NECAB1: variants seen among roughly 807,000 people sequenced by gnomAD.
NECAB1 encodes the protein N-terminal EF-hand calcium binding protein 1.
In NECAB1, 29 loss-of-function variants were observed where a neutral mutation model predicts 57.5. That is an observed-to-expected ratio of 0.50 (90% confidence interval 0.38 to 0.69). The LOEUF (loss-of-function observed/expected upper bound fraction) is 0.69. Among genes scored for constraint, NECAB1 ranks in the 30% least tolerant of loss-of-function variants. The probability of loss-of-function intolerance (pLI) is 0.00; values close to 1 mark genes in which losing one functional copy is unlikely to be tolerated. For missense variants in NECAB1, 372 were observed against 413.8 expected, an observed-to-expected ratio of 0.90 and a Z score of 0.88; for synonymous variants, 142 against 147.7, an observed-to-expected ratio of 0.96 and a Z score of 0.28.
At chr8:90,816,696 T>C (rs956965848) in intron 2 of NECAB1, among the ~76,000 whole-genome samples, 1 of 151,826 alleles carries the variant, frequency 6.6e-6, no homozygotes, top group African/African-American at 2.4e-5. Flanking sequence ...ATGCATGTAT[T>C]GTTTTACAAT....
intron 5 of NECAB1, among the ~76,000 whole-genome samples, chr8:90,895,364 G>C (rs1809299043): frequency 6.6e-6 from 1 of 152,112 alleles, no homozygotes; most frequent in Non-Finnish European, 1.5e-5. Context: ...AAAGAAAACA[G>C]AAAAAGTAGT....
chr8:90,863,356 G>T (rs1808446358), intron 3 of NECAB1, among the ~76,000 whole-genome samples: 1 of 152,030 alleles, frequency 6.6e-6, no homozygotes, highest in African/African-American at 2.4e-5. Context: ...ATTTTTCATT[G>T]CATAAAAATA....
At chr8:90,862,143 T>C (rs1160445284) in intron 3 of NECAB1, among the ~76,000 whole-genome samples, 4 of 152,190 alleles carry the variant, frequency 2.6e-5, no homozygotes, top group African/African-American at 7.2e-5. Flanking sequence ...AGCAATACTC[T>C]ATATGGATAA....
intron 9 of NECAB1, 119 bp from the exon 10 acceptor site, chr8:90,940,667 T>A (rs926943237): frequency 4.2e-6 from 3 of 709,358 alleles, no homozygotes; most frequent in East Asian, 5.5e-5. Context: ...CCTTCCTTGG[T>A]CATATTTTTG....
At chr8:90,939,742 T>C (rs575278669) in intron 9 of NECAB1, among the ~76,000 whole-genome samples, 4 of 152,304 alleles carry the variant, frequency 2.6e-5, no homozygotes, top group South Asian at 2.1e-4. Flanking sequence ...CCAACAAAAG[T>C]AGGAATATTT....
chr8:90,853,577 T>G (rs905663386), intron 3 of NECAB1, among the ~76,000 whole-genome samples: 4 of 152,248 alleles, frequency 2.6e-5, no homozygotes, highest in African/African-American at 9.6e-5. Flanking sequence ...GTTTATTTAT[T>G]AGTGAGCTCC....
intron 5 of NECAB1, among the ~76,000 whole-genome samples, chr8:90,898,877 C>T (rs574396873): frequency 1.3e-5 from 2 of 152,304 alleles, no homozygotes; most frequent in East Asian, 1.9e-4. Context: ...AACTGAGATT[C>T]GTTCATGTGG....
In NECAB1 at chr8:90,934,218, A is replaced by G. The variant is rs567367548; in HGVS notation, c.694-86A>G. 5.8e-5 allele frequency: 54 copies of G among 931,242 alleles called. No homozygotes were observed. The Admixed American group carries it at 1.0e-3, about 18-fold the overall frequency. The allele number at this position is 931,242 out of a possible 1,614,324, so 57.7% of individuals were successfully genotyped here. Reference sequence around the variant, plus strand: ...AAGTTCTTTTGGTTCAATGTTAGCCATGAGAGAACTATGATTTGAATATAT... The same window carrying G: ...AAGTTCTTTTGGTTCAATGTTAGCCGTGAGAGAACTATGATTTGAATATAT... On this transcript the variant is annotated intron_variant, in intron 8 of 12. Transcript: ENST00000417640.
intron 2 of NECAB1, among the ~76,000 whole-genome samples, chr8:90,805,211 T>C (rs1563491907): frequency 6.6e-6 from 1 of 152,220 alleles, no homozygotes. Context: ...TTCTGTACCA[T>C]GTGTTCATGG....
intron 3 of NECAB1, among the ~76,000 whole-genome samples, chr8:90,860,688 G>T (rs1030601206): frequency 3.3e-5 from 5 of 152,138 alleles, no homozygotes; most frequent in African/African-American, 7.2e-5. Flanking sequence ...TGCAGAAAAG[G>T]CTAAGAATTA....
chr8:90,906,876 CATATATATATATATAT>C lies in NECAB1; in HGVS notation c.358-10597_358-10582del, dbSNP rs57808023. ...ACCTTTTCCTTACATATGATATACA[CATATATATATATATAT>C]ATATATATATATATATATCTTCTCA... On this transcript the variant is annotated intron_variant, in intron 5 of 12. Transcript: ENST00000417640. Among the ~76,000 whole-genome samples the C allele has an allele frequency of 4.1e-3, 505 of 121,762 alleles. 10 individuals carry two copies. Among genetic ancestry groups the C allele is most frequent in the Non-Finnish European group, 6.0e-3 (358 of 59,462 alleles). 79.9% of individuals were successfully genotyped at this position (121,762 alleles called of 152,430 possible).
At chr8:90,830,838 C>G (rs773460503) in intron 3 of NECAB1, among the ~76,000 whole-genome samples, 5 of 152,080 alleles carry the variant, frequency 3.3e-5, no homozygotes, top group Non-Finnish European at 7.4e-5. Context: ...GAATAACATA[C>G]TTTTGACAGA....
intron 5 of NECAB1, among the ~76,000 whole-genome samples, chr8:90,898,705 G>A (rs1809423158): frequency 6.6e-6 from 1 of 152,188 alleles, no homozygotes; most frequent in South Asian, 2.1e-4. Flanking sequence ...TATTTATTGA[G>A]CATAATACAT....
chr8:90,934,595 A>G (rs926100473), intron 9 of NECAB1, among the ~76,000 whole-genome samples: 6 of 152,192 alleles, frequency 3.9e-5, no homozygotes, highest in African/African-American at 1.4e-4. Flanking sequence ...TTATACATGT[A>G]TAAATCAATG....
intron 4 of NECAB1, among the ~76,000 whole-genome samples, chr8:90,875,728 G>A (rs1197006957): frequency 5.4e-5 from 8 of 148,102 alleles, no homozygotes; most frequent in African/African-American, 1.7e-4. Context: ...CTGAGGGTAC[G>A]GGGGCCGGGC....
At position 90,795,281 on chromosome 8, in the gene NECAB1, C is replaced by G. The variant is rs185904331; in HGVS notation, c.99+3296C>G. 4.0e-3 allele frequency among the ~76,000 whole-genome samples: 616 copies of G among 152,278 alleles called. 2 individuals are homozygous for G. Among genetic ancestry groups the G allele is most frequent in the Admixed American group, 7.0e-3 (107 of 15,308 alleles). On this transcript the variant is annotated intron_variant, in intron 1 of 12. Transcript: ENST00000417640. ...CATCCCCAAAAGCAAGAGAAATTCC[C>G]AAACGAAATTAGTAGCAACTTCATC...
intron 1 of NECAB1, among the ~76,000 whole-genome samples, chr8:90,800,580 A>G (rs1479502418): frequency 6.6e-6 from 1 of 152,218 alleles, no homozygotes; most frequent in Non-Finnish European, 1.5e-5. Context: ...CCCTATTTCC[A>G]GATAAAGTTA....
chr8:90,886,750 GT>G (rs1809004246), intron 5 of NECAB1, among the ~76,000 whole-genome samples: 1 of 151,252 alleles, frequency 6.6e-6, no homozygotes, highest in African/African-American at 2.4e-5. Flanking sequence ...TTTTATAATT[GT>G]TTTTTTCAAT....
chr8:90,858,733 T>C (rs1812841751), intron 3 of NECAB1, among the ~76,000 whole-genome samples: 1 of 152,150 alleles, frequency 6.6e-6, no homozygotes, highest in African/African-American at 2.4e-5. Flanking sequence ...AAGAATATCA[T>C]TTTCTTTTCA....
Sources: allele counts gnomAD v4.1 joint callset (sites outside exome capture counted in the v4.1 genomes callset), GRCh38; gene constraint gnomAD v4.1.1; transcripts MANE v1.5; gene names NCBI Gene and HGNC (gene_info 2026-07-23, HGNC 2026-07-21).